Variants in OSBPL10 observed in about 807,000 individuals in gnomAD.
OSBPL10 encodes oxysterol-binding protein-related protein 10.
Under a neutral mutation model 81.7 loss-of-function variants are expected in OSBPL10, and 49 were observed. The observed-to-expected ratio is 0.60, with a 90% CI of 0.48 to 0.76. The LOEUF is 0.76. OSBPL10 is among the 30% of genes least tolerant of loss of function. The probability of loss-of-function intolerance (pLI) is 0.00; values close to 1 mark genes in which losing one functional copy is unlikely to be tolerated. For synonymous variants in OSBPL10, 419 were observed against 383.6 expected (o/e 1.09, Z -1.08); for missense variants, 923 against 987.8 (o/e 0.93, Z 0.88).
intron 2 of OSBPL10, among the ~76,000 whole-genome samples, chr3:32,041,740 C>G (rs1699578273): frequency 1.3e-5 from 2 of 152,126 alleles, no homozygotes; most frequent in African/African-American, 4.8e-5. Flanking sequence ...TCACTGCAGC[C>G]TCCACCTCCC....
intron 7 of OSBPL10, among the ~76,000 whole-genome samples, chr3:31,684,523 C>A (rs932593353): frequency 6.6e-6 from 1 of 152,152 alleles, no homozygotes; most frequent in East Asian, 1.9e-4. Context: ...AGGGAGGGGT[C>A]GGCAATCAGT....
rs191560636 is a variant in OSBPL10 at position 31,952,436 on chromosome 3, C to G, written c.281+28463G>C. On this transcript the variant is annotated intron_variant, in intron 1 of 11. Coordinates refer to ENST00000396556, the MANE Select transcript of OSBPL10 (RefSeq NM_017784.5). ...CTACATCCAGGCGTATCCCTCGTCA[C>G]GCTCCGTGAGAGCACTTTGCATGCT... Among the ~76,000 whole-genome samples the G allele has an allele frequency of 2.5e-3, 383 of 152,306 alleles. 2 individuals are homozygous for G. The highest frequency in any genetic ancestry group is 8.9e-3 in the African/African-American group (369 of 41,578).
intron 1 of OSBPL10, among the ~76,000 whole-genome samples, chr3:31,925,438 T>C (rs1697044870): frequency 6.6e-6 from 1 of 151,466 alleles, no homozygotes; most frequent in Non-Finnish European, 1.5e-5. Context: ...AACTTTTGAC[T>C]CCCCAGGACT....
rs77285917 is a variant in OSBPL10 at position 32,018,598 on chromosome 3, C to T, written n.298+27893G>A. 8.2e-3 allele frequency among the ~76,000 whole-genome samples: 1,243 copies of T among 152,166 alleles called. 54 individuals carry two copies. In the East Asian group the frequency reaches 0.15, roughly 18 times the overall value. On this transcript the variant is annotated intron_variant and non_coding_transcript_variant, in intron 2 of 3. Coordinates refer to the OSBPL10 transcript ENST00000479173. The stretch of plus-strand genomic sequence containing the variant: ...ATGTGTGCCTGTAGTTCCAGCTACT[C>T]GGGAGGCTGAGGTGGGAAGATCATT...
At chr3:31,784,391 A>G (rs1408509443) in intron 4 of OSBPL10, among the ~76,000 whole-genome samples, 2 of 151,836 alleles carry the variant, frequency 1.3e-5, no homozygotes, top group Non-Finnish European at 2.9e-5. Context: ...GAAAAGGAAA[A>G]GGAAAGGAAA....
chr3:31,663,951 T>C, intron 11 of OSBPL10, 128 bp downstream of exon 11: 1 of 1,598,414 alleles, frequency 6.3e-7, no homozygotes, highest in Non-Finnish European at 8.5e-7. Context: ...AGAACCGAGC[T>C]GCCCTAGTCC....
chr3:31,699,443 CA>C (rs781645971), intron 7 of OSBPL10, among the ~76,000 whole-genome samples: 2 of 152,212 alleles, frequency 1.3e-5, no homozygotes, highest in African/African-American at 2.4e-5. Flanking sequence ...TGTGGAAATA[CA>C]GTGGGTTATT....
intron 7 of OSBPL10, among the ~76,000 whole-genome samples, chr3:31,697,811 G>A (rs1335797781): frequency 1.3e-5 from 2 of 151,744 alleles, no homozygotes; most frequent in African/African-American, 4.8e-5. Context: ...CACCCAGGCT[G>A]GAGTGCAATG....
intron 1 of OSBPL10, among the ~76,000 whole-genome samples, chr3:31,967,405 A>T (rs1698431293): frequency 6.6e-6 from 1 of 152,072 alleles, no homozygotes; most frequent in South Asian, 2.1e-4. Context: ...GCTTGAACCC[A>T]GGAGGTTGAG....
chr3:31,912,482 A>C (rs997698835), intron 1 of OSBPL10, among the ~76,000 whole-genome samples: 2 of 152,128 alleles, frequency 1.3e-5, no homozygotes, highest in Non-Finnish European at 2.9e-5. Flanking sequence ...CTGGTTATTG[A>C]GAAGTTCCAA....
intron 1 of OSBPL10, among the ~76,000 whole-genome samples, chr3:31,945,288 T>A (rs1175260107): frequency 6.6e-6 from 1 of 151,922 alleles, no homozygotes; most frequent in East Asian, 1.9e-4. Context: ...CCACTAGGAC[T>A]CTGGTCCAAA....
intron 6 of OSBPL10, among the ~76,000 whole-genome samples, chr3:31,713,043 A>T (rs1696315251): frequency 6.6e-6 from 1 of 152,190 alleles, no homozygotes; most frequent in South Asian, 2.1e-4. Flanking sequence ...CTCTCTCCTA[A>T]TTACTGCAAC....
intron 5 of OSBPL10, among the ~76,000 whole-genome samples, chr3:31,747,487 T>TCAAAAAAAAAAAAAAAAAA (rs1553620893): frequency 1.0e-5 from 1 of 98,484 alleles, no homozygotes; most frequent in Non-Finnish European, 2.0e-5. Flanking sequence ...AATCTTCAAA[T>TCAAAAAAAAAAAAAAAAAA]AAAAAAAAAA....
At chr3:31,719,155 T>C (rs897170163) in intron 6 of OSBPL10, among the ~76,000 whole-genome samples, 2 of 152,156 alleles carry the variant, frequency 1.3e-5, no homozygotes, top group Non-Finnish European at 2.9e-5. Flanking sequence ...TTTAAACTAA[T>C]GCTAAATTAT....
chr3:31,689,778 C>A (rs1276951447), intron 7 of OSBPL10, among the ~76,000 whole-genome samples: 1 of 152,188 alleles, frequency 6.6e-6, no homozygotes, highest in Non-Finnish European at 1.5e-5. Context: ...TTGCCTTCTG[C>A]CATGATTGTG....
At chr3:31,991,496 A>G (rs1409575163) in intron 2 of OSBPL10, 1 of 166,872 alleles carries the variant, frequency 6.0e-6, no homozygotes, top group Non-Finnish European at 1.5e-5. Flanking sequence ...AATATTTCTT[A>G]CTGTAAGTTC....
At chr3:31,717,870 C>A (rs17028092) in intron 6 of OSBPL10, among the ~76,000 whole-genome samples, 2,264 of 152,278 alleles carry the variant, frequency 0.015, 36 homozygotes, top group South Asian at 0.035. Context: ...TCTGCTTTGT[C>A]CTGCTCTCAA....
At chr3:31,988,607 G>GCT (rs373452340) in intron 2 of OSBPL10, 26 of 170,948 alleles carry the variant, frequency 1.5e-4, no homozygotes, top group East Asian at 6.3e-4. Context: ...GTTCACTCTC[G>GCT]CTCTCTCTCT....
At position 31,661,940 on chromosome 3, in the gene OSBPL10, TTCTC is replaced by T. The variant is rs959547149; in HGVS notation, c.*128_*131del. 89 of 1,315,970 alleles carry T rather than the reference TTCTC, an allele frequency of 6.8e-5. No individual in the cohort carries two copies. The highest frequency in any genetic ancestry group is 1.1e-4 in the Admixed American group (5 of 44,870). The allele number at this position is 1,315,970 out of a possible 1,614,324, so 81.5% of individuals were successfully genotyped here. A position where few individuals can be genotyped will look rare whatever the true frequency, so the allele number is the denominator to read the frequency against. Reference sequence around the variant, plus strand: ...GGGTGCACTTTTCATAGTATATAATTTCTCTCTCTCTCATCATTTCTTGGATGCT... The same window carrying T: ...GGGTGCACTTTTCATAGTATATAATTTCTCTCTCATCATTTCTTGGATGCT... On this transcript the variant is annotated 3_prime_UTR_variant, in exon 12 of 12. Coordinates refer to ENST00000396556, the MANE Select transcript of OSBPL10 (RefSeq NM_017784.5).
Sources: allele counts gnomAD v4.1 joint callset (sites outside exome capture counted in the v4.1 genomes callset), GRCh38; gene constraint gnomAD v4.1.1; transcripts MANE v1.5; gene names NCBI Gene and HGNC (gene_info 2026-07-23, HGNC 2026-07-21).